The following ARHGAP32 variants were observed in gnomAD, a reference collection of about 807,000 sequenced individuals.
ARHGAP32 encodes Rho GTPase activating protein 32.
Under a neutral mutation model 186.5 loss-of-function variants are expected in ARHGAP32, and 51 were observed. The observed-to-expected ratio is 0.27, with a 90% CI of 0.22 to 0.35. The LOEUF is 0.35. Among genes scored for constraint, ARHGAP32 ranks in the 10% least tolerant of loss-of-function variants. The pLI is 1.00. For synonymous variants in ARHGAP32, 950 were observed against 964.3 expected, an observed-to-expected ratio of 0.99 and a Z score of 0.27; for missense variants, 2,186 against 2,623.5, an observed-to-expected ratio of 0.83 and a Z score of 3.64.
rs528865193 is a variant in ARHGAP32, at chr11:128,967,780, G to A, written c.*1127C>T. The A allele has an allele frequency of 1.1e-4, 17 of 152,156 alleles. No homozygotes were observed. Among genetic ancestry groups the A allele is most frequent in the Admixed American group, 2.0e-4 (3 of 15,276 alleles). 9.4% of individuals were successfully genotyped at this position (152,156 alleles called of 1,614,324 possible). A position where few individuals can be genotyped will look rare whatever the true frequency, so the allele number is the denominator to read the frequency against. On this transcript the variant is annotated 3_prime_UTR_variant, in exon 23 of 23. Transcript: ENST00000682385. ...CGGGGCTGTGAACTAAGCAGTTATT[G>A]CAGGAACTTGCAGTCTAATAATAGA...
intron 6 of ARHGAP32, among the ~76,000 whole-genome samples, chr11:129,092,019 T>C (rs1011902815): frequency 6.6e-6 from 1 of 152,048 alleles, no homozygotes; most frequent in Non-Finnish European, 1.5e-5. Flanking sequence ...TACAATGCAC[T>C]AAATTACTAC....
intron 6 of ARHGAP32, among the ~76,000 whole-genome samples, chr11:129,093,320 T>C (rs1293781572): frequency 1.3e-5 from 2 of 152,090 alleles, no homozygotes; most frequent in Non-Finnish European, 2.9e-5. Flanking sequence ...GTCATTGTTA[T>C]TTACTCATAA....
Position 128,969,517 on chromosome 11 carries a change from T to A in ARHGAP32, c.5696A>T (p.His1899Leu), listed in dbSNP as rs1945298514. 1 of 1,614,164 alleles carries A rather than the reference T, an allele frequency of 6.2e-7. No individual in the cohort carries two copies. Among genetic ancestry groups the A allele is most frequent in the South Asian group, 1.1e-5 (1 of 91,074 alleles). ...ATTCTTTGACTCACAGAACTGCCTA[T>A]GGCTTGCTTCTTGGTGTGCCCTGTG... ...PEHRAHQEAS[H>L]RQFCESKNGP... is the part of the protein sequence containing the mutation. Residue 1899 changes from histidine (H) to leucine (L), a missense_variant, in exon 23 of 23, where the codon CAT becomes CTT. His to Leu is a moderately conservative substitution (Grantham distance 99, BLOSUM62 -3). Transcript: ENST00000682385. This position sits in a 1 kb window ranked among gnomAD's most constrained non-coding sequence, Gnocchi z 4.8.
intron 1 of ARHGAP32, among the ~76,000 whole-genome samples, chr11:129,199,658 G>C (rs775439091): frequency 1.0e-4 from 16 of 152,388 alleles, no homozygotes; most frequent in Middle Eastern, 3.4e-3. Flanking sequence ...ATCTGCTGCA[G>C]GGGCGGGGCC....
At position 128,971,240 on chromosome 11, in the gene ARHGAP32, T is replaced by C; in HGVS notation, c.4054-81A>G. 2.4e-6 allele frequency: 3 copies of C among 1,259,792 alleles called. No homozygotes were observed. In the South Asian group the frequency reaches 4.5e-5, roughly 19 times the overall value. The allele number at this position is 1,259,792 out of a possible 1,614,324, so 78.0% of individuals were successfully genotyped here. A position where few individuals can be genotyped will look rare whatever the true frequency, so the allele number is the denominator to read the frequency against. ...TACTATTAAATTTGTAACTCACAAA[T>C]TAAGGCTGGTTGGGTAGCAGCTTGA... On this transcript the variant is annotated intron_variant, in intron 22 of 22. Coordinates refer to ENST00000682385, the MANE Select transcript of ARHGAP32 (RefSeq NM_001378024.1).
At chr11:129,053,902 T>G (rs1940150792) in intron 10 of ARHGAP32, among the ~76,000 whole-genome samples, 1 of 152,166 alleles carries the variant, frequency 6.6e-6, no homozygotes, top group Non-Finnish European at 1.5e-5. Context: ...AGCTTTGGAT[T>G]CTAGGATATT....
chr11:128,978,992 G>T, intron 18 of ARHGAP32, 77 bp from the exon 19 acceptor site: 1 of 1,359,566 alleles, frequency 7.4e-7, no homozygotes, highest in South Asian at 1.4e-5. Context: ...ATGAACACAT[G>T]ACAGAAAGAA....
At chr11:129,119,542 C>T (rs1394387622) in intron 5 of ARHGAP32, among the ~76,000 whole-genome samples, 1 of 151,976 alleles carries the variant, frequency 6.6e-6, no homozygotes, top group Non-Finnish European at 1.5e-5. Flanking sequence ...ATTCATTAAA[C>T]AAATATTTAT....
At chr11:129,040,387 C>T (rs1338478948) in intron 11 of ARHGAP32, among the ~76,000 whole-genome samples, 2 of 152,018 alleles carry the variant, frequency 1.3e-5, no homozygotes, top group African/African-American at 4.8e-5. Flanking sequence ...GTTGAATCTT[C>T]CCAAAACTAA....
intron 9 of ARHGAP32, 127 bp downstream of exon 9, chr11:129,063,774 TA>T: frequency 1.8e-6 from 2 of 1,103,608 alleles, no homozygotes; most frequent in Non-Finnish European, 1.3e-6. Flanking sequence ...GGCTGAAATA[TA>T]AAAGACTATG....
Position 128,969,318 on chromosome 11 carries a change from G to T in ARHGAP32, c.5895C>A (p.Pro1965=). 6.2e-7 allele frequency: 1 copy of T among 1,614,226 alleles called. No homozygotes were observed. ...CTGGGGCAGAAGGCTGCCTAACCCA[G>T]GGTCGCTCCATCTCTTTGGAGAGCC... ...EVRLSKEMER[P]WVRQPSAPEK... The change falls in exon 23 of 23, where the codon CCC becomes CCA. Residue 1965 remains proline, a synonymous_variant. Transcript: ENST00000682385. This position sits in a 1 kb window ranked among gnomAD's most constrained non-coding sequence, Gnocchi z 4.8.
At position 129,240,047 on chromosome 11, in the gene ARHGAP32, A is replaced by AT. The variant is rs772181070; in HGVS notation, c.-5+39098dup. ...TAAATAATTTCCCCTATACTTTTTC[A>AT]TTTTTTTTTTCTGAGACGGAGTCTC... On this transcript the variant is annotated intron_variant, in intron 1 of 6. Coordinates refer to the ARHGAP32 transcript ENST00000525234. 6.3e-4 allele frequency among the ~76,000 whole-genome samples: 93 copies of AT among 148,630 alleles called. 1 individual carries two copies. The highest frequency in any genetic ancestry group is 5.1e-3 in the East Asian group (26 of 5,058).
At chr11:129,245,357 C>A (rs1945077727) in intron 1 of ARHGAP32, among the ~76,000 whole-genome samples, 1 of 149,690 alleles carries the variant, frequency 6.7e-6, no homozygotes, top group Non-Finnish European at 1.5e-5. Flanking sequence ...GAACAAAAAA[C>A]CAAACACCGC....
At chr11:129,112,434 T>C (rs540438242) in intron 5 of ARHGAP32, among the ~76,000 whole-genome samples, 1 of 152,234 alleles carries the variant, frequency 6.6e-6, no homozygotes, top group South Asian at 2.1e-4. Flanking sequence ...CTAAATCTCC[T>C]GCTAAAACTA....
At chr11:129,193,723 AT>A (rs1565465045), upstream of ARHGAP32, among the ~76,000 whole-genome samples, 4 of 86,454 alleles carry the variant, frequency 4.6e-5, no homozygotes, top group African/African-American at 1.8e-4. Flanking sequence ...TATATTATAT[AT>A]TATATATAAT....
At chr11:129,144,887 G>A (rs943813490) in intron 2 of ARHGAP32, among the ~76,000 whole-genome samples, 1 of 152,044 alleles carries the variant, frequency 6.6e-6, no homozygotes, top group Non-Finnish European at 1.5e-5. Context: ...ATTCGGAGGC[G>A]ATATTTAAAA....
At chr11:129,129,407 G>A (rs540808206) in intron 2 of ARHGAP32, among the ~76,000 whole-genome samples, 1 of 150,342 alleles carries the variant, frequency 6.7e-6, no homozygotes. Context: ...CCCAGTCCGG[G>A]AGGGAGGTAG....
chr11:129,096,527 G>A (rs1404777052), intron 5 of ARHGAP32, among the ~76,000 whole-genome samples: 3 of 116,708 alleles, frequency 2.6e-5, no homozygotes, highest in Non-Finnish European at 3.6e-5. Context: ...ATACCCCCCC[G>A]GCCCCGCCCC....
At chr11:129,044,400 G>A (rs1409903259) in intron 10 of ARHGAP32, among the ~76,000 whole-genome samples, 1 of 152,142 alleles carries the variant, frequency 6.6e-6, no homozygotes, top group Non-Finnish European at 1.5e-5. Context: ...GGCAGAGGTT[G>A]CAAAATTTTT....
Sources: allele counts gnomAD v4.1 joint callset (sites outside exome capture counted in the v4.1 genomes callset), GRCh38; gene constraint gnomAD v4.1.1; non-coding constraint Gnocchi (gnomAD v3.1); transcripts MANE v1.5; gene names NCBI Gene and HGNC (gene_info 2026-07-23, HGNC 2026-07-21).